CLYBL: variants seen among roughly 807,000 people sequenced by gnomAD.
CLYBL encodes citramalyl-CoA lyase, mitochondrial.
In CLYBL, 31 loss-of-function variants were observed where a neutral mutation model predicts 38.9. The observed-to-expected ratio is 0.80, with a 90% confidence interval of 0.60 to 1.08. The LOEUF (loss-of-function observed/expected upper bound fraction) is 1.08, where lower values mean the gene tolerates loss of function less well. Among genes scored for constraint, CLYBL ranks in the 50% least tolerant of loss-of-function variants. The probability of loss-of-function intolerance (pLI) is 0.00; values close to 1 mark genes in which losing one functional copy is unlikely to be tolerated. For missense variants in CLYBL, 434 were observed against 411.6 expected (o/e 1.05, Z -0.47); for synonymous variants, 171 against 158.6 (o/e 1.08, Z -0.59).
At chr13:99,729,965 C>G (rs546650338) in intron 1 of CLYBL, among the ~76,000 whole-genome samples, 5 of 151,818 alleles carry the variant, frequency 3.3e-5, no homozygotes, top group East Asian at 1.9e-4. Context: ...CAGCATTGCC[C>G]ATGCCCCCAC....
rs565903180 is a variant in CLYBL at position 99,712,702 on chromosome 13, G to A, written c.63-60122G>A. 3.3e-5 allele frequency among the ~76,000 whole-genome samples: 5 copies of A among 152,152 alleles called. No individual in the cohort carries two copies. The East Asian group carries it at 7.7e-4, about 23-fold the overall frequency. ...TTTCTTCCAACTCTTTGACAAAGTCGTCAATATTAAGCAATATACCCTTAC... is the reference window on the plus strand; with the variant it reads ...TTTCTTCCAACTCTTTGACAAAGTCATCAATATTAAGCAATATACCCTTAC... On this transcript the variant is annotated intron_variant, in intron 1 of 8. Transcript: ENST00000339105.
intron 9 of CLYBL, among the ~76,000 whole-genome samples, chr13:99,906,869 C>A (rs2038695): frequency 0.45 from 67,842 of 152,060 alleles, 16,262 homozygotes; most frequent in Non-Finnish European, 0.55. Flanking sequence ...AGCCCCACAG[C>A]GGGTGGCTTG....
intron 9 of CLYBL, among the ~76,000 whole-genome samples, chr13:99,906,166 A>G (rs2052695352): frequency 6.6e-6 from 1 of 152,236 alleles, no homozygotes; most frequent in Non-Finnish European, 1.5e-5. Flanking sequence ...TTTCCTGTAC[A>G]TTCCAAATGG....
chr13:99,856,341 A>C (rs2051458384), intron 2 of CLYBL, among the ~76,000 whole-genome samples: 1 of 152,238 alleles, frequency 6.6e-6, no homozygotes, highest in Admixed American at 6.5e-5. Flanking sequence ...TTGAGCACAC[A>C]TGCAGATTAG....
At chr13:99,670,030 TA>T (rs34452564) in intron 1 of CLYBL, among the ~76,000 whole-genome samples, 14 of 148,426 alleles carry the variant, frequency 9.4e-5, no homozygotes, top group East Asian at 4.0e-4. Flanking sequence ...CCGTCTCTAT[TA>T]AAAAAAAAAA....
chr13:99,622,171 G>A (rs529089423), intron 1 of CLYBL, among the ~76,000 whole-genome samples: 13 of 152,316 alleles, frequency 8.5e-5, no homozygotes, highest in African/African-American at 3.1e-4. Flanking sequence ...TTGTGATTAC[G>A]TTGGCCCCAC....
chr13:99,772,977 C>G lies in CLYBL; in HGVS notation c.216C>G (p.Leu72=), dbSNP rs3742255. The G allele has an allele frequency of 6.2e-7, 1 of 1,611,358 alleles. No individual in the cohort carries two copies. The highest frequency in any genetic ancestry group is 8.5e-7 in the Non-Finnish European group (1 of 1,179,476). The change falls in exon 2 of 9, where the codon CTC becomes CTG. Residue 72 remains leucine, a synonymous_variant. Coordinates refer to ENST00000339105, the MANE Select transcript of CLYBL (RefSeq NM_206808.5). ...IPSLNVDCAV[L]DCEDGVAANK... ...CCCTGAATGTAGATTGTGCAGTGCT[C>G]GACTGTGAGGATGGAGTGGCTGCAA...
At position 99,832,352 on chromosome 13, in the gene CLYBL, C is replaced by A. The variant is rs1340266254; in HGVS notation, c.250-26509C>A. On this transcript the variant is annotated intron_variant, in intron 2 of 8. Transcript: ENST00000339105. ...GTCCTCAAATGATCTCTTAAAAGAA[C>A]CCACTTTAGACCTCATTGTTACCTT... 1.3e-5 allele frequency among the ~76,000 whole-genome samples: 2 copies of A among 152,194 alleles called. 1 individual carries two copies. The highest frequency in any genetic ancestry group is 2.9e-5 in the Non-Finnish European group (2 of 68,036).
intron 2 of CLYBL, among the ~76,000 whole-genome samples, chr13:99,816,235 T>C (rs1485586553): frequency 6.6e-6 from 1 of 152,222 alleles, no homozygotes; most frequent in African/African-American, 2.4e-5. Context: ...TTTGTTCTGA[T>C]TTGAACTCAT....
chr13:99,623,635 A>G (rs2046828133), intron 1 of CLYBL, among the ~76,000 whole-genome samples: 1 of 152,140 alleles, frequency 6.6e-6, no homozygotes, highest in Non-Finnish European at 1.5e-5. Flanking sequence ...TTTGAGGCTC[A>G]GGGGATTCAG....
chr13:99,785,351 G>A (rs144906021), intron 2 of CLYBL, among the ~76,000 whole-genome samples: 1 of 151,358 alleles, frequency 6.6e-6, no homozygotes, highest in South Asian at 2.1e-4. Flanking sequence ...TGGGACCACA[G>A]GTGTGTGCCA....
chr13:99,809,069 A>G (rs1237224778), intron 2 of CLYBL, among the ~76,000 whole-genome samples: 18 of 152,140 alleles, frequency 1.2e-4, no homozygotes. Context: ...CCCTGGTACT[A>G]TATGCTTGTT....
At chr13:99,799,755 C>T (rs534768768) in intron 2 of CLYBL, among the ~76,000 whole-genome samples, 1 of 152,312 alleles carries the variant, frequency 6.6e-6, no homozygotes, top group Non-Finnish European at 1.5e-5. Flanking sequence ...TAATCCTGTG[C>T]AGATCCATCA....
At chr13:99,883,129 T>G (rs941160655) in intron 7 of CLYBL, among the ~76,000 whole-genome samples, 2 of 152,176 alleles carry the variant, frequency 1.3e-5, no homozygotes, top group Non-Finnish European at 2.9e-5. Flanking sequence ...CATCAGTGCA[T>G]GTAGCAAGAA....
rs549362748 is a variant in CLYBL, at chr13:99,876,249, G to A, written c.927+5187G>A. On this transcript the variant is annotated intron_variant, in intron 7 of 8. Coordinates refer to ENST00000339105, the MANE Select transcript of CLYBL (RefSeq NM_206808.5). Reference sequence around the variant, plus strand: ...AGCCTTGCCAACATAGTAAAACCCCGTCTCTACCAAAAATACAAAAAATCA... The same window carrying A: ...AGCCTTGCCAACATAGTAAAACCCCATCTCTACCAAAAATACAAAAAATCA... Among the ~76,000 whole-genome samples the A allele has an allele frequency of 2.1e-4, 31 of 150,470 alleles. No homozygotes were observed. In the South Asian group the frequency reaches 3.8e-3, roughly 18 times the overall value.
chr13:99,630,648 C>T (rs982386827), intron 1 of CLYBL, among the ~76,000 whole-genome samples: 1 of 152,106 alleles, frequency 6.6e-6, no homozygotes, highest in Non-Finnish European at 1.5e-5. Flanking sequence ...CACCTTTCCC[C>T]TGTGACCTCC....
chr13:99,800,260 C>A (rs1305756251), intron 2 of CLYBL, among the ~76,000 whole-genome samples: 1 of 152,194 alleles, frequency 6.6e-6, no homozygotes, highest in Non-Finnish European at 1.5e-5. Context: ...CAGGCCAGAC[C>A]ACATGACTTC....
chr13:99,656,070 A>C (rs1438910038), intron 1 of CLYBL, among the ~76,000 whole-genome samples: 1 of 151,920 alleles, frequency 6.6e-6, no homozygotes, highest in East Asian at 1.9e-4. Context: ...CCTTTTTTCC[A>C]GACCCACCCC....
downstream of CLYBL, chr13:99,893,119 T>A (rs530996229): frequency 6.6e-6 from 1 of 152,440 alleles, no homozygotes; most frequent in East Asian, 1.9e-4. Flanking sequence ...CCCTCCACAC[T>A]GGCCACGCTG....
Sources: gnomAD v4.1 joint callset for allele counts (sites outside exome capture counted in the v4.1 genomes callset) on GRCh38, gnomAD v4.1.1 for gene constraint, MANE v1.5 for transcripts, NCBI Gene and HGNC (gene_info 2026-07-23, HGNC 2026-07-21) for gene names.